The following GLRX2 variants were observed in gnomAD, a reference collection of about 807,000 sequenced individuals.
The protein encoded by GLRX2 is glutaredoxin 2.
In GLRX2, 12 loss-of-function variants were observed where a neutral mutation model predicts 16.4. The ratio of observed to expected loss-of-function variants is 0.73; its 90% CI spans 0.47 to 1.19. GLRX2 has a LOEUF of 1.19. GLRX2 is among the 50% of genes most tolerant of loss of function. GLRX2 has a pLI of 0.00. For missense variants in GLRX2, 201 were observed against 201.8 expected (o/e 1.00, Z 0.02); for synonymous variants, 95 against 76.2 (o/e 1.25, Z -1.28).
At chr1:193,101,261 C>T (rs758764158) in intron 1 of GLRX2, 57 bp from the exon 2 acceptor site, 56 of 1,121,760 alleles carry the variant, frequency 5.0e-5, no homozygotes, top group Admixed American at 5.9e-5. Flanking sequence ...TAATTTATCA[C>T]GAGTTTTATT....
At chr1:193,104,986 AT>A (rs1470361180) in intron 1 of GLRX2, among the ~76,000 whole-genome samples, 16 of 152,322 alleles carry the variant, frequency 1.1e-4, no homozygotes. Flanking sequence ...GGCGTCTTGT[AT>A]TTTATGTAGC....
At chr1:193,102,590 T>C (rs1324272334) in intron 1 of GLRX2, among the ~76,000 whole-genome samples, 2 of 152,214 alleles carry the variant, frequency 1.3e-5, no homozygotes, top group Non-Finnish European at 2.9e-5. Context: ...TGACCTCATA[T>C]GATCAACCTA....
intron 2 of GLRX2, among the ~76,000 whole-genome samples, chr1:193,100,546 A>C (rs1675054829): frequency 6.6e-6 from 1 of 152,204 alleles, no homozygotes; most frequent in South Asian, 2.1e-4. Context: ...AGTTTAGCCA[A>C]ATCAACTAAA....
At chr1:193,102,082 T>C (rs1346309996) in intron 1 of GLRX2, among the ~76,000 whole-genome samples, 1 of 152,132 alleles carries the variant, frequency 6.6e-6, no homozygotes, top group Non-Finnish European at 1.5e-5. Flanking sequence ...TACAAGAGGA[T>C]TATGACATAT....
At chr1:193,104,202 C>T (rs1304075122) in intron 1 of GLRX2, among the ~76,000 whole-genome samples, 1 of 152,182 alleles carries the variant, frequency 6.6e-6, no homozygotes, top group Non-Finnish European at 1.5e-5. Context: ...TTCTGGAAGA[C>T]ACCCTTTCCC....
intron 1 of GLRX2, among the ~76,000 whole-genome samples, chr1:193,101,702 C>T (rs1675080278): frequency 1.3e-5 from 2 of 152,302 alleles, no homozygotes; most frequent in East Asian, 1.9e-4. Context: ...ATCACTGGCA[C>T]GTCTCAAAGG....
Position 193,096,891 on chromosome 1 carries a change from A to C in GLRX2, c.361-132T>G, listed in dbSNP as rs1674970362. The C allele has an allele frequency of 6.4e-6, 4 of 626,668 alleles. No individual in the cohort carries two copies. In the South Asian group the frequency reaches 7.5e-5, roughly 12 times the overall value. 38.8% of individuals were successfully genotyped at this position (626,668 alleles called of 1,614,324 possible). A position where few individuals can be genotyped will look rare whatever the true frequency, so the allele number is the denominator to read the frequency against. On this transcript the variant is annotated intron_variant, in intron 3 of 3. Coordinates refer to ENST00000367439, the MANE Select transcript of GLRX2 (RefSeq NM_197962.3). ...CACCACAAAGCTCTTTCACAAATTAAATCTTAAAATCTTTACCCTTTAAGG... is the reference window on the plus strand; with the variant it reads ...CACCACAAAGCTCTTTCACAAATTACATCTTAAAATCTTTACCCTTTAAGG...
chr1:193,104,717 TC>T (rs1675149962), intron 1 of GLRX2, among the ~76,000 whole-genome samples: 2 of 152,216 alleles, frequency 1.3e-5, no homozygotes, highest in Admixed American at 1.3e-4. Context: ...GAAAGCACTA[TC>T]CTCGGTCTAG....
rs1674962032 is a variant in GLRX2 at position 193,096,527 on chromosome 1, G to A, written c.*98C>T. 1 of 600,496 alleles carries A rather than the reference G, an allele frequency of 1.7e-6. No individual in the cohort carries two copies. The highest frequency in any genetic ancestry group is 1.8e-5 in the African/African-American group (1 of 54,134). The allele number at this position is 600,496 out of a possible 1,614,324, so 37.2% of individuals were successfully genotyped here. A position where few individuals can be genotyped will look rare whatever the true frequency, so the allele number is the denominator to read the frequency against. On this transcript the variant is annotated 3_prime_UTR_variant, in exon 4 of 4. Coordinates refer to ENST00000367439, the MANE Select transcript of GLRX2 (RefSeq NM_197962.3). ...TTTACATCTTCTTCGTGAAGACAAT[G>A]CATGTATTTAAAACATCCTCAAACA...
intron 3 of GLRX2, 106 bp from the exon 4 acceptor site, chr1:193,096,865 G>A (rs937540116): frequency 5.6e-6 from 4 of 715,174 alleles, no homozygotes; most frequent in Admixed American, 2.8e-5. Context: ...TATGAGCCTG[G>A]CACCACAAAG....
upstream of GLRX2, chr1:193,105,444 C>G (rs1232026858): frequency 6.9e-7 from 1 of 1,448,044 alleles, no homozygotes. Context: ...GGGAGCCCGC[C>G]TCCTCCGGCC....
chr1:193,105,183 G>A (rs1675162194), intron 1 of GLRX2, 81 bp downstream of exon 1: 1 of 1,447,774 alleles, frequency 6.9e-7, no homozygotes, highest in Non-Finnish European at 9.0e-7. Context: ...GGGCAAAGGG[G>A]CACCTCCGCC....
In GLRX2 at chr1:193,096,561, A is replaced by G. The variant is rs1674962402; in HGVS notation, c.*64T>C. The stretch of plus-strand genomic sequence containing the variant: ...TAAAACATCCTCAAACATTTAAAAG[A>G]CATTATCGGGCATTACCACTTTAAA... On this transcript the variant is annotated 3_prime_UTR_variant, in exon 4 of 4. Coordinates refer to ENST00000367439, the MANE Select transcript of GLRX2 (RefSeq NM_197962.3). The G allele has an allele frequency of 2.4e-6, 2 of 835,202 alleles. No individual in the cohort carries two copies. Among genetic ancestry groups the G allele is most frequent in the African/African-American group, 1.7e-5 (1 of 58,736 alleles). 51.7% of individuals were successfully genotyped at this position (835,202 alleles called of 1,614,324 possible).
At chr1:193,105,989 A>AAAC (rs386369150), upstream of GLRX2, 1 of 652,590 alleles carries the variant, frequency 1.5e-6, no homozygotes, top group East Asian at 2.5e-4. Flanking sequence ...ACCACCTGCC[A>AAAC]AAAAAAAAAA....
intron 1 of GLRX2, among the ~76,000 whole-genome samples, chr1:193,103,943 G>T (rs1675130313): frequency 6.6e-6 from 1 of 152,176 alleles, no homozygotes; most frequent in Non-Finnish European, 1.5e-5. Context: ...GCCTAAACCA[G>T]AAAAGGTTAG....
chr1:193,104,281 A>G (rs1675138933), intron 1 of GLRX2, among the ~76,000 whole-genome samples: 1 of 152,122 alleles, frequency 6.6e-6, no homozygotes, highest in Non-Finnish European at 1.5e-5. Context: ...GGAGGAAGTA[A>G]GTGCACAATA....
chr1:193,096,598 G>A lies in GLRX2; in HGVS notation c.*27C>T, dbSNP rs1401532345. 2.1e-6 allele frequency: 3 copies of A among 1,411,940 alleles called. No homozygotes were observed. The highest frequency in any genetic ancestry group is 3.0e-6 in the Non-Finnish European group (3 of 1,009,534). 87.5% of individuals were successfully genotyped at this position (1,411,940 alleles called of 1,614,324 possible). ...ATTACCACTTTAAATAACTGACACT[G>A]TACTAGCAAACTTATTAGTATAAAC... On this transcript the variant is annotated 3_prime_UTR_variant, in exon 4 of 4. Transcript: ENST00000367439.
chr1:193,100,042 C>T (rs2103099239), intron 2 of GLRX2, among the ~76,000 whole-genome samples: 1 of 150,248 alleles, frequency 6.7e-6, no homozygotes, highest in South Asian at 2.1e-4. Flanking sequence ...AGGGCTCTGA[C>T]ATATATTAGA....
chr1:193,104,364 G>A (rs1675140783), intron 1 of GLRX2, among the ~76,000 whole-genome samples: 1 of 152,176 alleles, frequency 6.6e-6, no homozygotes, highest in Non-Finnish European at 1.5e-5. Context: ...GTGCTAAGTA[G>A]GCAAAGTGCT....
Sources: allele counts gnomAD v4.1 joint callset (sites outside exome capture counted in the v4.1 genomes callset), GRCh38; gene constraint gnomAD v4.1.1; transcripts MANE v1.5; gene names NCBI Gene and HGNC (gene_info 2026-07-23, HGNC 2026-07-21).